TBC1D16: variants seen among roughly 807,000 people sequenced by gnomAD.
TBC1D16 encodes CTD-2529O21.1.
In TBC1D16, 58 loss-of-function variants were observed where a neutral mutation model predicts 74.7. That is an observed-to-expected ratio of 0.78 (90% confidence interval 0.63 to 0.97). The LOEUF (loss-of-function observed/expected upper bound fraction) is 0.97. Ranked by LOEUF, TBC1D16 falls within the 50% of genes least tolerant of loss-of-function variation. The pLI is 0.00. For missense variants in TBC1D16, 1,014 were observed against 1,079.5 expected (o/e 0.94, Z 0.85); for synonymous variants, 493 against 474.7 (o/e 1.04, Z -0.50).
intron 3 of TBC1D16, among the ~76,000 whole-genome samples, chr17:79,995,213 T>C (rs145538119): frequency 0.013 from 2,025 of 151,966 alleles, 31 homozygotes; most frequent in East Asian, 0.06. Flanking sequence ...GGTAGGAGAA[T>C]TGCTTGAACC....
At chr17:79,974,768 G>C (rs933842606) in intron 3 of TBC1D16, among the ~76,000 whole-genome samples, 1 of 152,170 alleles carries the variant, frequency 6.6e-6, no homozygotes. Context: ...TAACCCTGGG[G>C]ACCCAGCAAA....
chr17:80,032,919 C>T lies in TBC1D16; in HGVS notation c.-63+2876G>A, dbSNP rs573911655. Reference sequence around the variant, plus strand: ...AGGGAAGAAGGGGAGCTAAAATTTTCACAGGAGGTGGTGTTGCCAGGCAAC... The same window carrying T: ...AGGGAAGAAGGGGAGCTAAAATTTTTACAGGAGGTGGTGTTGCCAGGCAAC... On this transcript the variant is annotated intron_variant, in intron 1 of 11. Coordinates refer to ENST00000310924, the MANE Select transcript of TBC1D16 (RefSeq NM_019020.4). 4.6e-5 allele frequency among the ~76,000 whole-genome samples: 7 copies of T among 152,280 alleles called. No homozygotes were observed. The South Asian group carries it at 1.5e-3, about 32-fold the overall frequency.
chr17:79,950,863 G>A lies in TBC1D16; in HGVS notation c.1090-285C>T. 1 of 1,518,514 alleles carries A rather than the reference G, an allele frequency of 6.6e-7. No individual in the cohort carries two copies. Among genetic ancestry groups the A allele is most frequent in the South Asian group, 1.2e-5 (1 of 82,018 alleles). The allele number at this position is 1,518,514 out of a possible 1,614,324, so 94.1% of individuals were successfully genotyped here. A position where few individuals can be genotyped will look rare whatever the true frequency, so the allele number is the denominator to read the frequency against. ...GCCGCAAAAACGGAATGAATGCCTCGTTCGGCCTAACTTCCCTCTGCCGGG... is the reference window on the plus strand; with the variant it reads ...GCCGCAAAAACGGAATGAATGCCTCATTCGGCCTAACTTCCCTCTGCCGGG... On this transcript the variant is annotated intron_variant, in intron 5 of 11. Transcript: ENST00000310924. This position sits in a 1 kb window ranked among gnomAD's most constrained non-coding sequence, Gnocchi z 4.6.
At chr17:79,964,519 T>A (rs1056130776) in intron 3 of TBC1D16, among the ~76,000 whole-genome samples, 1 of 152,132 alleles carries the variant, frequency 6.6e-6, no homozygotes, top group African/African-American at 2.4e-5. Flanking sequence ...GATAAGACAT[T>A]GGGGGGACAC....
chr17:80,017,565 C>G (rs1244520617), intron 1 of TBC1D16, among the ~76,000 whole-genome samples: 1 of 151,220 alleles, frequency 6.6e-6, no homozygotes, highest in Non-Finnish European at 1.5e-5. Context: ...CCTGTGATCC[C>G]AGCTACTCGG....
intron 1 of TBC1D16, among the ~76,000 whole-genome samples, chr17:80,024,300 ACCC>A (rs1568647824): frequency 1.9e-4 from 1 of 5,276 alleles, no homozygotes; most frequent in African/African-American, 6.2e-4. Context: ...CACACCATAG[ACCC>A]CACACCACGC....
intron 2 of TBC1D16, 136 bp downstream of exon 2, chr17:80,013,231 A>C (rs1166529920): frequency 3.6e-6 from 3 of 839,902 alleles, no homozygotes; most frequent in Non-Finnish European, 5.3e-6. Context: ...TTCCGGGAGG[A>C]CAGCTGCTGT....
chr17:79,961,992 C>T lies in TBC1D16; in HGVS notation c.780-9174G>A, dbSNP rs1213923071. On this transcript the variant is annotated intron_variant, in intron 3 of 11. Transcript: ENST00000310924. The surrounding 1 kb of genome is among the most constrained non-coding windows in gnomAD (Gnocchi z 4.8). ...CATGGCATACTACTCAGCTGTAACA[C>T]GCAGTAGCATGGACGCATGACAAAA... Among the ~76,000 whole-genome samples the T allele has an allele frequency of 1.3e-5, 2 of 152,102 alleles. No homozygotes were observed. The highest frequency in any genetic ancestry group is 2.4e-5 in the African/African-American group (1 of 41,408).
At position 79,936,100 on chromosome 17, in the gene TBC1D16, G is replaced by C. The variant is rs188215160; in HGVS notation, c.*4759C>G. ...GAGGGAGCTTCAAGGCCGAGGGGTA[G>C]GACCTGCAGGGCCCACACCACCCTT... On this transcript the variant is annotated 3_prime_UTR_variant, in exon 12 of 12. Coordinates refer to ENST00000310924, the MANE Select transcript of TBC1D16 (RefSeq NM_019020.4). 6.6e-6 allele frequency: 1 copy of C among 152,390 alleles called. No homozygotes were observed. The highest frequency in any genetic ancestry group is 1.9e-4 in the East Asian group (1 of 5,186). The allele number at this position is 152,390 out of a possible 1,614,324, so 9.4% of individuals were successfully genotyped here.
chr17:79,950,191 C>A lies in TBC1D16; in HGVS notation c.1257+220G>T, dbSNP rs2032929015. 6.6e-6 allele frequency among the ~76,000 whole-genome samples: 1 copy of A among 151,894 alleles called. No individual in the cohort carries two copies. Among genetic ancestry groups the A allele is most frequent in the Non-Finnish European group, 1.5e-5 (1 of 67,956 alleles). ...CTGACACGGTATCCCCCCAAACCCT[C>A]GAGGGAGGTGTTGTGTTTTGTTTTT... On this transcript the variant is annotated intron_variant, in intron 6 of 11. Transcript: ENST00000310924. The surrounding 1 kb of genome is among the most constrained non-coding windows in gnomAD (Gnocchi z 4.6).
chr17:80,021,566 G>A lies in TBC1D16; in HGVS notation c.-62-7957C>T, dbSNP rs2036282544. 2.0e-5 allele frequency among the ~76,000 whole-genome samples: 3 copies of A among 149,516 alleles called. 1 individual carries two copies. The highest frequency in any genetic ancestry group is 5.1e-5 in the African/African-American group (2 of 39,024). On this transcript the variant is annotated intron_variant, in intron 1 of 11. Coordinates refer to ENST00000310924, the MANE Select transcript of TBC1D16 (RefSeq NM_019020.4). The stretch of plus-strand genomic sequence containing the variant: ...TTTAATACAGAGATTAAGCTGAGAT[G>A]GAATTTTCATTGATATGTAAGAACT...
intron 3 of TBC1D16, among the ~76,000 whole-genome samples, chr17:79,998,235 A>G (rs2035350868): frequency 6.6e-6 from 1 of 150,942 alleles, no homozygotes; most frequent in Non-Finnish European, 1.5e-5. Context: ...TTGAGCCCCC[A>G]GCAGGTGTTG....
At position 80,013,579 on chromosome 17, in the gene TBC1D16, G is replaced by C. The variant is rs112737644; in HGVS notation, c.-32C>G. The C allele has an allele frequency of 6.8e-7, 1 of 1,463,396 alleles. No homozygotes were observed. The highest frequency in any genetic ancestry group is 2.6e-5 in the Admixed American group (1 of 38,664). The allele number at this position is 1,463,396 out of a possible 1,614,324, so 90.7% of individuals were successfully genotyped here. On this transcript the variant is annotated 5_prime_UTR_variant, in exon 2 of 12. Coordinates refer to ENST00000310924, the MANE Select transcript of TBC1D16 (RefSeq NM_019020.4). Reference sequence around the variant, plus strand: ...GCAAGTGTTTCCATCCTCCGCATGCGTCGGCCCGGGCAGGGCTCGTCAAGA... The same window carrying C: ...GCAAGTGTTTCCATCCTCCGCATGCCTCGGCCCGGGCAGGGCTCGTCAAGA...
At position 79,934,433 on chromosome 17, in the gene TBC1D16, G is replaced by A. The variant is rs1296848187; in HGVS notation, c.*6426C>T. 1.3e-5 allele frequency: 2 copies of A among 152,400 alleles called. No individual in the cohort carries two copies. The highest frequency in any genetic ancestry group is 2.4e-5 in the African/African-American group (1 of 41,444). 9.4% of individuals were successfully genotyped at this position (152,400 alleles called of 1,614,324 possible). ...GGAGGCGGTGACATCAGGGGCCCCT[G>A]AGCCACCAGGTTCCTCCATCTTCAT... On this transcript the variant is annotated 3_prime_UTR_variant, in exon 12 of 12. Transcript: ENST00000310924.
In TBC1D16 at chr17:79,961,232, G is replaced by C. The variant is rs185148246; in HGVS notation, c.780-8414C>G. 6.6e-5 allele frequency among the ~76,000 whole-genome samples: 10 copies of C among 152,278 alleles called. No homozygotes were observed. Among genetic ancestry groups the C allele is most frequent in the Admixed American group, 2.6e-4 (4 of 15,296 alleles). ...AAGTGAAAGAAGCCAGACACAAAAGGCTACATGAGAAGATACTCAGCATCC... is the reference window on the plus strand; with the variant it reads ...AAGTGAAAGAAGCCAGACACAAAAGCCTACATGAGAAGATACTCAGCATCC... On this transcript the variant is annotated intron_variant, in intron 3 of 11. Coordinates refer to ENST00000310924, the MANE Select transcript of TBC1D16 (RefSeq NM_019020.4). This position sits in a 1 kb window ranked among gnomAD's most constrained non-coding sequence, Gnocchi z 4.8.
intron 8 of TBC1D16, 127 bp downstream of exon 8, chr17:79,948,745 G>A (rs2032776545): frequency 1.6e-6 from 2 of 1,260,902 alleles, no homozygotes; most frequent in South Asian, 2.7e-5. Flanking sequence ...CACTTCTGGG[G>A]CTTTGATGTA....
chr17:79,974,324 C>T lies in TBC1D16; in HGVS notation c.780-21506G>A, dbSNP rs1197485373. On this transcript the variant is annotated intron_variant, in intron 3 of 11. Transcript: ENST00000310924. ...TGCAATCTCGGTTCACTGCAACTTC[C>T]GCCTCCCGGGTTCAAGCGATTCTCC... is the stretch of plus-strand genomic sequence containing the variant. Among the ~76,000 whole-genome samples, 11 of 152,160 alleles carry T rather than the reference C, an allele frequency of 7.2e-5. 1 individual carries two copies. In the South Asian group the frequency reaches 1.2e-3, roughly 17 times the overall value.
At chr17:80,025,500 G>C (rs1182390843) in intron 1 of TBC1D16, among the ~76,000 whole-genome samples, 2 of 149,950 alleles carry the variant, frequency 1.3e-5, no homozygotes, top group South Asian at 4.2e-4. Flanking sequence ...TAAGGGGCCT[G>C]GCAAATGCCC....
intron 10 of TBC1D16, among the ~76,000 whole-genome samples, chr17:79,943,522 C>A (rs1000113250): frequency 2.6e-5 from 4 of 152,200 alleles, no homozygotes; most frequent in African/African-American, 9.7e-5. Flanking sequence ...TGGCAGCAAC[C>A]TTCCCATTCC....
Sources: gnomAD v4.1 joint callset for allele counts (sites outside exome capture counted in the v4.1 genomes callset) on GRCh38, gnomAD v4.1.1 for gene constraint, Gnocchi (gnomAD v3.1) non-coding constraint, MANE v1.5 for transcripts, NCBI Gene and HGNC (gene_info 2026-07-23, HGNC 2026-07-21) for gene names.